The following PRKX variants were observed in gnomAD, a reference collection of about 807,000 sequenced individuals.
PRKX encodes protein kinase cAMP-dependent X-linked catalytic subunit, also known as cAMP-dependent protein kinase catalytic subunit PRKX.
A neutral mutation model predicts 22.0 loss-of-function variants in PRKX; 12 were observed. The ratio of observed to expected loss-of-function variants is 0.54; its 90% CI spans 0.35 to 0.88. The LOEUF is 0.88. Ranked by LOEUF, PRKX falls within the 40% of genes least tolerant of loss-of-function variation. PRKX has a pLI of 0.01. For synonymous variants in PRKX, 134 were observed against 137.7 expected (o/e 0.97, Z 0.19); for missense variants, 217 against 308.0 (o/e 0.70, Z 2.21).
chrX:3,691,792 GA>G (rs1270342277), intron 1 of PRKX, among the ~76,000 whole-genome samples: 1 of 111,516 alleles, frequency 9.0e-6, no homozygotes, highest in African/African-American at 3.3e-5. Flanking sequence ...CTCTGCCACA[GA>G]CAGATAGAAA....
chrX:3,674,770 G>A lies in PRKX; in HGVS notation c.167-4C>T, dbSNP rs769071560. On this transcript the variant is annotated splice_polypyrimidine_tract_variant and splice_region_variant and intron_variant, in intron 1 of 8. Transcript: ENST00000262848. ...ACCCGCCCGAACGTCCCAGTGCCTG[G>A]AGAGAGAAGAAATCGACAGAGGTCA... 65 of 1,208,233 alleles carry A rather than the reference G, an allele frequency of 5.4e-5. No homozygotes were observed. The highest frequency in any genetic ancestry group is 7.3e-5 in the Non-Finnish European group (65 of 893,504).
chrX:3,632,734 C>A (rs1926811149), intron 4 of PRKX, among the ~76,000 whole-genome samples: 1 of 111,836 alleles, frequency 8.9e-6, no homozygotes. Flanking sequence ...TGGGCAGTGC[C>A]CTCTGAAACC....
intron 1 of PRKX, among the ~76,000 whole-genome samples, chrX:3,682,861 G>A (rs1403907758): frequency 9.0e-6 from 1 of 111,063 alleles, no homozygotes; most frequent in East Asian, 2.9e-4. Flanking sequence ...AAGGGTCTTT[G>A]CAGATGTAAT....
intron 4 of PRKX, among the ~76,000 whole-genome samples, chrX:3,630,665 A>G (rs12400817): frequency 0.12 from 13,962 of 111,765 alleles, 792 homozygotes; most frequent in Non-Finnish European, 0.17. Flanking sequence ...AGGGGAAGCA[A>G]GGCACATTTA....
At chrX:3,649,027 A>T (rs1166228980) in intron 3 of PRKX, among the ~76,000 whole-genome samples, 2 of 112,126 alleles carry the variant, frequency 1.8e-5, no homozygotes, top group Admixed American at 9.5e-5. Context: ...GTTATGGTTT[A>T]AAGACAGATG....
chrX:3,680,931 A>G (rs1928059383), intron 1 of PRKX, among the ~76,000 whole-genome samples: 1 of 111,099 alleles, frequency 9.0e-6, no homozygotes, highest in South Asian at 3.9e-4. Flanking sequence ...GAAATTAGCC[A>G]GGAGTCATGA....
intron 2 of PRKX, among the ~76,000 whole-genome samples, chrX:3,660,499 T>A (rs747003935): frequency 4.0e-4 from 44 of 110,634 alleles, no homozygotes; most frequent in African/African-American, 8.5e-4. Flanking sequence ...ACAAACACAC[T>A]CTCTCTCTCT....
intron 3 of PRKX, among the ~76,000 whole-genome samples, chrX:3,650,604 C>T (rs1927307438): frequency 9.2e-6 from 1 of 108,537 alleles, no homozygotes; most frequent in Non-Finnish European, 1.9e-5. Context: ...CAAGGCCGGG[C>T]ACGGTGGCTC....
At chrX:3,700,757 T>TGTC (rs1928548708) in intron 1 of PRKX, among the ~76,000 whole-genome samples, 1 of 109,581 alleles carries the variant, frequency 9.1e-6, no homozygotes, top group Admixed American at 9.8e-5. Flanking sequence ...TGTTTGTTGT[T>TGTC]GTTGTTGTTG....
At chrX:3,626,182 T>C (rs900227259) in intron 5 of PRKX, among the ~76,000 whole-genome samples, 1 of 112,416 alleles carries the variant, frequency 8.9e-6, no homozygotes, top group African/African-American at 3.2e-5. Context: ...ATTTTAAATA[T>C]AACATACCAC....
chrX:3,703,665 GGTT>G (rs1164956012), intron 1 of PRKX, among the ~76,000 whole-genome samples: 3 of 92,335 alleles, frequency 3.2e-5, no homozygotes, highest in African/African-American at 1.3e-4. Context: ...GGGTTTTTTT[GGTT>G]GTTTTTTTTT....
intron 4 of PRKX, among the ~76,000 whole-genome samples, chrX:3,629,414 G>GTTTTTT: frequency 1.1e-5 from 1 of 91,645 alleles, no homozygotes; most frequent in Admixed American, 1.2e-4. Context: ...CCAGGGTTTT[G>GTTTTTT]TTTTTTTTTT....
intron 1 of PRKX, among the ~76,000 whole-genome samples, chrX:3,700,045 A>G (rs1928525495): frequency 9.0e-6 from 1 of 111,704 alleles, no homozygotes; most frequent in African/African-American, 3.3e-5. Flanking sequence ...GCAGAGCTCA[A>G]TCAGAGCCTA....
At chrX:3,707,050 C>T (rs1283671136) in intron 1 of PRKX, among the ~76,000 whole-genome samples, 2 of 111,752 alleles carry the variant, frequency 1.8e-5, no homozygotes, top group Non-Finnish European at 3.8e-5. Flanking sequence ...TTGCTTGAGC[C>T]TGGGAGGTCG....
At chrX:3,669,187 TATCA>T (rs1349384732) in intron 2 of PRKX, among the ~76,000 whole-genome samples, 2 of 112,893 alleles carry the variant, frequency 1.8e-5, no homozygotes, top group Admixed American at 9.3e-5. Context: ...ACCAGCTATC[TATCA>T]ATCAGCTATC....
intron 1 of PRKX, among the ~76,000 whole-genome samples, chrX:3,681,220 G>A (rs186150853): frequency 0.04 from 4,346 of 107,887 alleles, 88 homozygotes; most frequent in Middle Eastern, 0.086. Flanking sequence ...CTATCTCTAC[G>A]AAAAAATACA....
At chrX:3,656,994 C>T (rs1256972838) in intron 2 of PRKX, among the ~76,000 whole-genome samples, 1 of 111,717 alleles carries the variant, frequency 9.0e-6, no homozygotes, top group African/African-American at 3.3e-5. Context: ...ACCGAGGGCA[C>T]TGGTCCTGTT....
At chrX:3,702,442 G>T (rs1212340035) in intron 1 of PRKX, among the ~76,000 whole-genome samples, 1 of 111,851 alleles carries the variant, frequency 8.9e-6, no homozygotes, top group Non-Finnish European at 1.9e-5. Context: ...TCTCTTTGAT[G>T]GGGTACCTCC....
In PRKX at chrX:3,607,473, A is replaced by G. The variant is rs1926201799; in HGVS notation, c.*1496T>C. 1.8e-5 allele frequency: 2 copies of G among 111,678 alleles called. No individual in the cohort carries two copies. Among genetic ancestry groups the G allele is most frequent in the South Asian group, 3.8e-4 (1 of 2,664 alleles). The allele number at this position is 111,678 out of a possible 1,213,427, so 9.2% of individuals were successfully genotyped here. A position where few individuals can be genotyped will look rare whatever the true frequency, so the allele number is the denominator to read the frequency against. On this transcript the variant is annotated 3_prime_UTR_variant, in exon 9 of 9. Coordinates refer to ENST00000262848, the MANE Select transcript of PRKX (RefSeq NM_005044.5). ...AATCCCAACAGGATGGTGAGTGAGAAGCACAGGCTGAAAATAGAGTTGTCT... is the reference window on the plus strand; with the variant it reads ...AATCCCAACAGGATGGTGAGTGAGAGGCACAGGCTGAAAATAGAGTTGTCT...
Sources: allele counts gnomAD v4.1 joint callset (sites outside exome capture counted in the v4.1 genomes callset), GRCh38; gene constraint gnomAD v4.1.1; transcripts MANE v1.5; gene names NCBI Gene and HGNC (gene_info 2026-07-23, HGNC 2026-07-21).